RIMS1: variants seen among roughly 807,000 people sequenced by gnomAD.
RIMS1 encodes regulating synaptic membrane exocytosis protein 1.
In RIMS1, 83 loss-of-function variants were observed where a neutral mutation model predicts 214.1. The ratio of observed to expected loss-of-function variants is 0.39; its 90% CI spans 0.32 to 0.47. The LOEUF is 0.47. Ranked by LOEUF, RIMS1 falls within the 20% of genes least tolerant of loss-of-function variation. The pLI is 0.99. For synonymous variants in RIMS1, 793 were observed against 786.8 expected, an observed-to-expected ratio of 1.01 and a Z score of -0.13; for missense variants, 2,050 against 2,161.8, an observed-to-expected ratio of 0.95 and a Z score of 1.03.
At chr6:72,093,711 A>G (rs543189150) in intron 2 of RIMS1, among the ~76,000 whole-genome samples, 19 of 151,566 alleles carry the variant, frequency 1.3e-4, no homozygotes, top group Admixed American at 7.2e-4. Flanking sequence ...TGCTTTGTCT[A>G]TGTTTATGTA....
chr6:72,361,429 A>G (rs932700707), intron 29 of RIMS1, among the ~76,000 whole-genome samples: 1 of 152,042 alleles, frequency 6.6e-6, no homozygotes, highest in Non-Finnish European at 1.5e-5. Flanking sequence ...ATTGCTGCTT[A>G]ATAAATTAAC....
At chr6:71,924,995 CA>C (rs1164581846) in intron 1 of RIMS1, among the ~76,000 whole-genome samples, 2 of 152,066 alleles carry the variant, frequency 1.3e-5, no homozygotes, top group Non-Finnish European at 2.9e-5. Context: ...GCTGTCTTGG[CA>C]TGTGAATTGC....
intron 2 of RIMS1, among the ~76,000 whole-genome samples, chr6:72,050,857 C>T (rs78006427): frequency 0.012 from 1,755 of 152,294 alleles, 9 homozygotes; most frequent in Non-Finnish European, 0.017. Context: ...TCTATTTTAT[C>T]ATCTTTCTAT....
intron 26 of RIMS1, among the ~76,000 whole-genome samples, chr6:72,293,315 G>A (rs548228995): frequency 2.0e-5 from 3 of 151,790 alleles, no homozygotes; most frequent in Admixed American, 6.6e-5. Flanking sequence ...TTTTAAAATC[G>A]CAGTTAATTC....
chr6:72,390,802 C>T, intron 30 of RIMS1, 66 bp downstream of exon 30: 1 of 1,553,470 alleles, frequency 6.4e-7, no homozygotes, highest in Admixed American at 1.8e-5. Context: ...AGTAAGATAA[C>T]AAAGCCACTG....
chr6:72,152,073 C>T (rs1373370300), intron 4 of RIMS1, among the ~76,000 whole-genome samples: 1 of 152,100 alleles, frequency 6.6e-6, no homozygotes, highest in Non-Finnish European at 1.5e-5. Flanking sequence ...GAGAGATTCT[C>T]CCCCACGATC....
At chr6:72,167,176 A>G (rs988064474) in intron 4 of RIMS1, among the ~76,000 whole-genome samples, 1 of 151,768 alleles carries the variant, frequency 6.6e-6, no homozygotes, top group Non-Finnish European at 1.5e-5. Context: ...TTTCTTAAAT[A>G]TATATTTATA....
At position 71,992,610 on chromosome 6, in the gene RIMS1, CCTTCTT is replaced by C. The variant is rs34650202; in HGVS notation, c.245+23561_245+23566del. 3.1e-3 allele frequency among the ~76,000 whole-genome samples: 455 copies of C among 146,518 alleles called. 4 individuals carry two copies. The highest frequency in any genetic ancestry group is 0.01 in the African/African-American group (410 of 39,734). ...TCCTTCTCCTCCTCCTTCTCCTTCT[CCTTCTT>C]CTTCTTCTTCTTCCTCTTCTTCCTC... On this transcript the variant is annotated intron_variant, in intron 2 of 33. Transcript: ENST00000521978.
In RIMS1 at chr6:72,182,454, C is replaced by A; in HGVS notation, c.983C>A (p.Pro328Gln). 1.2e-6 allele frequency: 2 copies of A among 1,613,746 alleles called. No homozygotes were observed. The highest frequency in any genetic ancestry group is 2.2e-5 in the South Asian group (2 of 91,050). Residue 328 changes from proline to glutamine, a missense_variant, in exon 6 of 34, where the codon CCA (proline) becomes CAA (glutamine). By Grantham distance (76) the Pro-to-Gln change is moderately conservative (BLOSUM62 -1). Coordinates refer to ENST00000521978, the MANE Select transcript of RIMS1 (RefSeq NM_014989.7). ...GAGAAAGGGCGATCACAGGATTACC[C>A]AGACACGCCGGAAAAACGGGATGAG... ...RLEKGRSQDY[P>Q]DTPEKRDEGK...
chr6:72,178,454 C>T (rs62408098), intron 4 of RIMS1, among the ~76,000 whole-genome samples: 5,087 of 152,194 alleles, frequency 0.033, 150 homozygotes, highest in Non-Finnish European at 0.046. Flanking sequence ...AATGTTTCTA[C>T]GATTTATTCA....
chr6:71,988,160 T>C (rs1178740087), intron 2 of RIMS1, among the ~76,000 whole-genome samples: 1 of 152,176 alleles, frequency 6.6e-6, no homozygotes, highest in Non-Finnish European at 1.5e-5. Flanking sequence ...CTTTGCTTCC[T>C]GTAGCAGCAA....
chr6:72,082,423 A>G (rs1379934411), intron 2 of RIMS1, among the ~76,000 whole-genome samples: 1 of 152,158 alleles, frequency 6.6e-6, no homozygotes, highest in Non-Finnish European at 1.5e-5. Context: ...CACAGTAGGT[A>G]GGCATTATTA....
At chr6:72,357,938 G>C (rs1285452094) in intron 29 of RIMS1, among the ~76,000 whole-genome samples, 1 of 152,280 alleles carries the variant, frequency 6.6e-6, no homozygotes, top group South Asian at 2.1e-4. Context: ...AAAAATAGCA[G>C]TTTCTGAGTG....
intron 2 of RIMS1, among the ~76,000 whole-genome samples, chr6:72,038,196 C>T (rs1294443880): frequency 1.5e-5 from 2 of 132,434 alleles, no homozygotes; most frequent in Non-Finnish European, 3.1e-5. Flanking sequence ...TCCAAGGACA[C>T]TATGGAAGTC....
intron 2 of RIMS1, among the ~76,000 whole-genome samples, chr6:72,061,943 C>G (rs1827979170): frequency 6.6e-6 from 1 of 152,140 alleles, no homozygotes; most frequent in African/African-American, 2.4e-5. Context: ...TTCAGCACAG[C>G]TATGTCAGCA....
At chr6:72,321,123 G>T (rs1031509120) in intron 28 of RIMS1, among the ~76,000 whole-genome samples, 2 of 151,962 alleles carry the variant, frequency 1.3e-5, no homozygotes, top group Admixed American at 6.6e-5. Context: ...CCTCAAGATG[G>T]CATATATGCT....
chr6:72,367,821 G>A (rs1300831844), intron 29 of RIMS1, among the ~76,000 whole-genome samples: 1 of 152,158 alleles, frequency 6.6e-6, no homozygotes, highest in African/African-American at 2.4e-5. Flanking sequence ...ATATGATGGA[G>A]AATACTTTTG....
chr6:72,080,074 TAAAAAAA>T (rs770845471), intron 2 of RIMS1, among the ~76,000 whole-genome samples: 27 of 22,400 alleles, frequency 1.2e-3, no homozygotes, highest in African/African-American at 3.2e-3. Context: ...GTGTCTCTAC[TAAAAAAA>T]AAAAAAAAAA....
chr6:72,139,479 A>C (rs2041822848), intron 4 of RIMS1, among the ~76,000 whole-genome samples: 1 of 152,126 alleles, frequency 6.6e-6, no homozygotes, highest in South Asian at 2.1e-4. Context: ...CCTTTGTGCT[A>C]ATTTACATTT....
Sources: gnomAD v4.1 joint callset for allele counts (sites outside exome capture counted in the v4.1 genomes callset) on GRCh38, gnomAD v4.1.1 for gene constraint, MANE v1.5 for transcripts, NCBI Gene and HGNC (gene_info 2026-07-23, HGNC 2026-07-21) for gene names.